Variants in WDR49 observed in about 807,000 individuals in gnomAD.
WDR49 encodes the protein cilia- and flagella-associated protein 337.
Under a neutral mutation model 119.5 loss-of-function variants are expected in WDR49, and 107 were observed. That is an observed-to-expected ratio of 0.90 (90% CI 0.77 to 1.05). The LOEUF (loss-of-function observed/expected upper bound fraction) is 1.05, where lower values mean the gene tolerates loss of function less well. Among genes scored for constraint, WDR49 ranks in the 50% least tolerant of loss-of-function variants. The pLI, the probability that WDR49 is intolerant of heterozygous loss-of-function variation, is 0.00. For missense variants in WDR49, 1,240 were observed against 1,220.5 expected, an observed-to-expected ratio of 1.02 and a Z score of -0.24; for synonymous variants, 425 against 418.8, an observed-to-expected ratio of 1.01 and a Z score of -0.18.
intron 2 of WDR49, among the ~76,000 whole-genome samples, chr3:167,644,824 G>T (rs980750951): frequency 6.6e-6 from 1 of 152,002 alleles, no homozygotes; most frequent in Non-Finnish European, 1.5e-5. Flanking sequence ...TTCACCATCA[G>T]TGAATGTTAT....
intron 18 of WDR49, among the ~76,000 whole-genome samples, chr3:167,498,617 A>G (rs746547660): frequency 5.9e-5 from 9 of 152,160 alleles, no homozygotes; most frequent in Non-Finnish European, 1.0e-4. Flanking sequence ...ACTGTGAACA[A>G]AGGTTGTCTT....
chr3:167,512,173 G>A (rs1004305145), intron 16 of WDR49, among the ~76,000 whole-genome samples: 18 of 152,172 alleles, frequency 1.2e-4, no homozygotes, highest in African/African-American at 3.9e-4. Context: ...CCAAACAGGG[G>A]TCACCAGAAA....
chr3:167,515,333 G>A (rs528820987), intron 16 of WDR49, among the ~76,000 whole-genome samples: 68 of 152,156 alleles, frequency 4.5e-4, no homozygotes, highest in Non-Finnish European at 7.5e-4. Flanking sequence ...CTGACTCAAC[G>A]TAGGTAAATC....
At chr3:167,633,579 C>T in intron 2 of WDR49, 1 of 432,018 alleles carries the variant, frequency 2.3e-6, no homozygotes, top group Non-Finnish European at 4.6e-6. Flanking sequence ...CAAAGATAAC[C>T]TTTCAATCTA....
chr3:167,573,312 C>T (rs375971496), intron 8 of WDR49, among the ~76,000 whole-genome samples: 19 of 151,778 alleles, frequency 1.3e-4, no homozygotes, highest in African/African-American at 4.6e-4. Flanking sequence ...TCCAACCCAG[C>T]AGTTCTGAAA....
In WDR49 at chr3:167,589,573, G is replaced by A. The variant is rs764627995; in HGVS notation, c.1275+12554C>T. Among the ~76,000 whole-genome samples, 3 of 151,984 alleles carry A rather than the reference G, an allele frequency of 2.0e-5. No homozygotes were observed. The East Asian group carries it at 5.8e-4, about 29-fold the overall frequency. On this transcript the variant is annotated intron_variant, in intron 7 of 18. Transcript: ENST00000682715. ...ATTTATTCTTCCAGACCATGAACAT[G>A]GAATATCTTTCCATTTTTGTAGCTT...
intron 5 of WDR49, among the ~76,000 whole-genome samples, chr3:167,620,086 C>A (rs1268680378): frequency 2.0e-5 from 3 of 151,964 alleles, no homozygotes; most frequent in African/African-American, 7.2e-5. Flanking sequence ...TTGTTAAATT[C>A]TTTTATTAAA....
rs749715990 is a variant in WDR49 at position 167,529,058 on chromosome 3, A to C, written c.2400T>G (p.Asn800Lys). 1.9e-6 allele frequency: 3 copies of C among 1,575,898 alleles called. No individual in the cohort carries two copies. Among genetic ancestry groups the C allele is most frequent in the Non-Finnish European group, 2.6e-6 (3 of 1,166,478 alleles). Residue 800 changes from asparagine (N) to lysine (K), a missense_variant, in exon 14 of 19, where the codon AAT (asparagine) becomes AAG (lysine). By Grantham distance (94) the Asn-to-Lys change is moderately conservative (BLOSUM62 0). Coordinates refer to ENST00000682715, the MANE Select transcript of WDR49 (RefSeq NM_001366157.1). ...ATAATGTTTTTCAATTTACCTCTAT[A>C]TTCCAGATTTTCAACCATCCATCAA... The part of the protein sequence containing the change: ...GDLDGWLKIW[N>K]IEEYCLNSSK...
intron 7 of WDR49, among the ~76,000 whole-genome samples, chr3:167,589,458 T>C (rs568404522): frequency 6.6e-6 from 1 of 152,268 alleles, no homozygotes; most frequent in South Asian, 2.1e-4. Flanking sequence ...GGATTGTTTT[T>C]CCTATTTCTA....
At chr3:167,522,211 A>T in intron 16 of WDR49, 104 bp downstream of exon 16, 1 of 1,139,652 alleles carries the variant, frequency 8.8e-7, no homozygotes, top group Non-Finnish European at 1.2e-6. Context: ...ATCTTGAGGT[A>T]GTCATTGAAC....
At chr3:167,479,344 T>C (rs974776140) in intron 18 of WDR49, among the ~76,000 whole-genome samples, 3 of 152,148 alleles carry the variant, frequency 2.0e-5, no homozygotes, top group Non-Finnish European at 4.4e-5. Flanking sequence ...TTATTCTGTA[T>C]TGAAATAAGG....
chr3:167,653,418 C>G lies in WDR49; in HGVS notation c.8G>C (p.Cys3Ser). 1 of 1,520,932 alleles carries G rather than the reference C, an allele frequency of 6.6e-7. No individual in the cohort carries two copies. The highest frequency in any genetic ancestry group is 8.8e-7 in the Non-Finnish European group (1 of 1,140,772). The allele number at this position is 1,520,932 out of a possible 1,614,324, so 94.2% of individuals were successfully genotyped here. A position where few individuals can be genotyped will look rare whatever the true frequency, so the allele number is the denominator to read the frequency against. ...GTTTAACTCAAGTACAGCTTTCTGG[C>G]AACTCATAATGGCTTCACCTTTTCT... is the stretch of plus-strand genomic sequence containing the variant. MSCQKAVLELNIG... is the reference protein window; with the variant it reads MSSQKAVLELNIG... Residue 3 changes from cysteine (C) to serine (S), a missense_variant, in exon 2 of 19, where the codon TGC (cysteine) becomes TCC (serine). Cys to Ser is a moderately radical substitution (Grantham distance 112, BLOSUM62 -1). Coordinates refer to ENST00000682715, the MANE Select transcript of WDR49 (RefSeq NM_001366157.1).
Position 167,575,958 on chromosome 3 carries a change from T to G in WDR49, c.1469A>C (p.Lys490Thr), listed in dbSNP as rs369607976. 1.7e-4 allele frequency: 278 copies of G among 1,614,062 alleles called. No individual in the cohort carries two copies. The highest frequency in any genetic ancestry group is 2.2e-4 in the Non-Finnish European group (256 of 1,180,016). ...EASKRVKSHE[K>T]AVTCVLYNSI... ...ATTGTAAAGAACACAAGTGACTGCT[T>G]TCTCATGGCTTTTCACCCTCTTGCT... Residue 490 changes from lysine (K) to threonine (T), a missense_variant, in exon 8 of 19, where the codon AAA becomes ACA. Transcript: ENST00000682715.
chr3:167,560,574 C>T (rs1341836811), intron 8 of WDR49, among the ~76,000 whole-genome samples: 1 of 152,136 alleles, frequency 6.6e-6, no homozygotes, highest in Non-Finnish European at 1.5e-5. Flanking sequence ...TCATGGTGCT[C>T]TGACACTATT....
At chr3:167,554,390 C>T (rs1324037330) in intron 10 of WDR49, among the ~76,000 whole-genome samples, 1 of 152,064 alleles carries the variant, frequency 6.6e-6, no homozygotes, top group Admixed American at 6.6e-5. Flanking sequence ...CTTTTGGAAC[C>T]TAGGAAGTGG....
At chr3:167,582,356 A>G (rs367744656) in intron 7 of WDR49, among the ~76,000 whole-genome samples, 1 of 152,164 alleles carries the variant, frequency 6.6e-6, no homozygotes, top group East Asian at 1.9e-4. Flanking sequence ...TCTTAAAGTC[A>G]TATAACATTT....
intron 10 of WDR49, among the ~76,000 whole-genome samples, chr3:167,543,680 C>T (rs1165368188): frequency 6.6e-6 from 1 of 151,904 alleles, no homozygotes; most frequent in Non-Finnish European, 1.5e-5. Context: ...CCACAGCCAA[C>T]ATTATGTTGA....
rs1477225183 is a variant in WDR49, at chr3:167,478,845, C to A, written c.*33G>T. ...GCTTTTTCTGCATTTTATATCTGTACCTTATGTAACAGTGAAGGTTTTTCT... is the reference window on the plus strand; with the variant it reads ...GCTTTTTCTGCATTTTATATCTGTAACTTATGTAACAGTGAAGGTTTTTCT... On this transcript the variant is annotated 3_prime_UTR_variant, in exon 19 of 19. Coordinates refer to ENST00000682715, the MANE Select transcript of WDR49 (RefSeq NM_001366157.1). The A allele has an allele frequency of 1.4e-6, 2 of 1,412,102 alleles. No individual in the cohort carries two copies. The highest frequency in any genetic ancestry group is 2.0e-6 in the Non-Finnish European group (2 of 1,017,564). 87.5% of individuals were successfully genotyped at this position (1,412,102 alleles called of 1,614,324 possible).
chr3:167,621,846 G>C (rs370107297), intron 3 of WDR49, among the ~76,000 whole-genome samples: 1 of 152,084 alleles, frequency 6.6e-6, no homozygotes, highest in African/African-American at 2.4e-5. Context: ...TTTCCCATTA[G>C]AGGCATTTGA....
Sources: gnomAD v4.1 joint callset for allele counts (sites outside exome capture counted in the v4.1 genomes callset) on GRCh38, gnomAD v4.1.1 for gene constraint, MANE v1.5 for transcripts, NCBI Gene and HGNC (gene_info 2026-07-23, HGNC 2026-07-21) for gene names.